The following ADCY9 variants were observed in gnomAD, a reference collection of about 807,000 sequenced individuals.
ADCY9 encodes the protein adenylate cyclase type 9.
Under a neutral mutation model 101.5 loss-of-function variants are expected in ADCY9, and 50 were observed. The ratio of observed to expected loss-of-function variants is 0.49; its 90% CI spans 0.39 to 0.62. The LOEUF (loss-of-function observed/expected upper bound fraction) is 0.62. Ranked by LOEUF, ADCY9 falls within the 20% of genes least tolerant of loss-of-function variation. ADCY9 has a pLI of 0.00. For missense variants in ADCY9, 1,662 were observed against 1,800.4 expected (o/e 0.92, Z 1.39); for synonymous variants, 905 against 769.3 (o/e 1.18, Z -2.92).
intron 2 of ADCY9, among the ~76,000 whole-genome samples, chr16:4,029,639 G>C (rs114776436): frequency 0.01 from 1,536 of 152,256 alleles, 29 homozygotes; most frequent in African/African-American, 0.035. Flanking sequence ...CCCAGCTACT[G>C]GGGAGACTGA....
At chr16:4,068,135 T>C (rs987737093) in intron 2 of ADCY9, among the ~76,000 whole-genome samples, 3 of 152,158 alleles carry the variant, frequency 2.0e-5, no homozygotes, top group African/African-American at 4.8e-5. Context: ...GATATTCTCA[T>C]ACCCAGACAA....
At chr16:3,953,592 T>G (rs1412394328) in intron 5 of ADCY9, 1 of 151,980 alleles carries the variant, frequency 6.6e-6, no homozygotes, top group Non-Finnish European at 1.5e-5. Context: ...CCGAGCAATT[T>G]CTAGAAAACA....
At position 4,007,429 on chromosome 16, in the gene ADCY9, G is replaced by A. The variant is rs745823164; in HGVS notation, c.1823C>T (p.Thr608Ile). Residue 608 changes from threonine to isoleucine, a missense_variant, in exon 3 of 11, where the codon ACA (threonine) becomes ATA (isoleucine). This residue lies in a region of ADCY9 where 624 missense variants were observed against 639.1 expected (regional missense o/e 0.98). Coordinates refer to ENST00000294016, the MANE Select transcript of ADCY9 (RefSeq NM_001116.4). ...QVSSGPRGQG[T>I]ASSGNVSDLA... ...GTCACTGACATTCCCTGATGACGCT[G>A]TCCCCTGTCCCCTAGGGCCTGAGGA... 1.4e-5 allele frequency: 22 copies of A among 1,612,588 alleles called. No individual in the cohort carries two copies. The highest frequency in any genetic ancestry group is 2.7e-5 in the African/African-American group (2 of 74,766).
intron 7 of ADCY9, among the ~76,000 whole-genome samples, chr16:3,980,439 C>T (rs1405850331): frequency 6.6e-6 from 1 of 152,172 alleles, no homozygotes; most frequent in African/African-American, 2.4e-5. Context: ...GGAGACAGTC[C>T]TTCTCTCAAG....
rs1219543773 is a variant in ADCY9 at position 4,115,467 on chromosome 16, C to T, written c.-25G>A. 1.3e-6 allele frequency: 2 copies of T among 1,505,332 alleles called. No individual in the cohort carries two copies. The highest frequency in any genetic ancestry group is 2.2e-5 in the Admixed American group (1 of 46,392). 93.2% of individuals were successfully genotyped at this position (1,505,332 alleles called of 1,614,324 possible). On this transcript the variant is annotated 5_prime_UTR_variant, in exon 2 of 11. Coordinates refer to ENST00000294016, the MANE Select transcript of ADCY9 (RefSeq NM_001116.4). The surrounding 1 kb of genome is among the most constrained non-coding windows in gnomAD (Gnocchi z 6.2). ...TGTTGTCGAGTCCCGGGGCCTGCCC[C>T]GGCCGGGGTCACCAGTACCTGCCAG...
intron 2 of ADCY9, among the ~76,000 whole-genome samples, chr16:4,030,076 T>A (rs534317868): frequency 6.6e-6 from 1 of 152,284 alleles, no homozygotes; most frequent in African/African-American, 2.4e-5. Flanking sequence ...CCATTTGTTA[T>A]CACCATTTGT....
intron 3 of ADCY9, among the ~76,000 whole-genome samples, chr16:3,998,147 C>A (rs1447304800): frequency 6.6e-6 from 1 of 151,932 alleles, no homozygotes; most frequent in Non-Finnish European, 1.5e-5. Context: ...ACAAATGAAA[C>A]AAAAGAAATC....
At position 4,095,037 on chromosome 16, in the gene ADCY9, C is replaced by A. The variant is rs142915519; in HGVS notation, c.1693+18713G>T. 7.6e-3 allele frequency among the ~76,000 whole-genome samples: 1,058 copies of A among 139,836 alleles called. 14 individuals are homozygous for A. The highest frequency in any genetic ancestry group is 0.027 in the African/African-American group (1,021 of 37,172). The allele number at this position is 139,836 out of a possible 152,430, so 91.7% of individuals were successfully genotyped here. A position where few individuals can be genotyped will look rare whatever the true frequency, so the allele number is the denominator to read the frequency against. ...TTTTTTTTTTTTTTTGAGACAGTCT[C>A]TGTCACCTAGGCTGGAGTGCAATGG... On this transcript the variant is annotated intron_variant, in intron 2 of 10. Transcript: ENST00000294016.
chr16:4,082,122 T>C (rs921903624), intron 2 of ADCY9, among the ~76,000 whole-genome samples: 35 of 152,122 alleles, frequency 2.3e-4, no homozygotes, highest in Non-Finnish European at 3.5e-4. Context: ...ACACCTGTAA[T>C]CCCAGCACTT....
chr16:3,989,666 G>T (rs959077410), intron 5 of ADCY9, among the ~76,000 whole-genome samples: 7 of 152,146 alleles, frequency 4.6e-5, no homozygotes, highest in African/African-American at 1.7e-4. Context: ...AGCGTGAGCT[G>T]CTGAGGCTTG....
rs1479664217 is a variant in ADCY9 at position 3,983,282 on chromosome 16, G to T, written c.2469C>A (p.Val823=). ...TVPPPPAALA[V]FSAALLLEVL... ...CCTCCAGCAGCAGGGCTGCACTGAA[G>T]ACCGCCAGGGCGGCGGGCGGGGGAG... Residue 823 remains valine, a synonymous_variant, in exon 7 of 11, where the codon GTC becomes GTA. Transcript: ENST00000294016. 2.6e-6 allele frequency: 4 copies of T among 1,556,516 alleles called. No homozygotes were observed. The Admixed American group carries it at 7.8e-5, about 30-fold the overall frequency.
At chr16:4,026,608 T>A (rs2056517147) in intron 2 of ADCY9, among the ~76,000 whole-genome samples, 1 of 152,150 alleles carries the variant, frequency 6.6e-6, no homozygotes, top group African/African-American at 2.4e-5. Flanking sequence ...CTTCCCAGGA[T>A]GAATGGATAA....
intron 2 of ADCY9, among the ~76,000 whole-genome samples, chr16:4,078,574 AG>A (rs71390994): frequency 0.31 from 44,015 of 141,080 alleles, 7,755 homozygotes; most frequent in East Asian, 0.49. Context: ...AAAAAAAAAA[AG>A]AAAACAAAAA....
intron 3 of ADCY9, among the ~76,000 whole-genome samples, chr16:3,998,100 C>A (rs974041451): frequency 6.6e-6 from 1 of 151,764 alleles, no homozygotes; most frequent in African/African-American, 2.4e-5. Flanking sequence ...CAGCTACCTT[C>A]CTTTTGAGGG....
chr16:3,999,062 G>A (rs1448120455), intron 3 of ADCY9, among the ~76,000 whole-genome samples: 7 of 152,080 alleles, frequency 4.6e-5, no homozygotes, highest in Non-Finnish European at 1.0e-4. Flanking sequence ...ATGTTTCCCA[G>A]CCGGCTAAAC....
chr16:4,044,507 T>C (rs976892241), intron 2 of ADCY9, among the ~76,000 whole-genome samples: 3 of 152,184 alleles, frequency 2.0e-5, no homozygotes, highest in African/African-American at 7.2e-5. Context: ...TAGTAAAACT[T>C]ACATTTTGGA....
In ADCY9 at chr16:4,010,258, G is replaced by A. The variant is rs143006884; in HGVS notation, c.1694-2700C>T. On this transcript the variant is annotated intron_variant, in intron 2 of 10. Transcript: ENST00000294016. ...GCGCACCTGCTCCCTGTGTGGCTCC[G>A]GGACTGCAAGAGAAAGTCAAGATGG... Among the ~76,000 whole-genome samples, 116 of 152,252 alleles carry A rather than the reference G, an allele frequency of 7.6e-4. No homozygotes were observed. The East Asian group carries it at 0.01, about 13-fold the overall frequency.
At position 3,966,447 on chromosome 16, in the gene ADCY9, G is replaced by A. The variant is rs1398271976; in HGVS notation, c.3390C>T (p.His1130=). The change falls in exon 11 of 11, where the codon CAC becomes CAT. Residue 1130 remains histidine (H), a synonymous_variant. Transcript: ENST00000294016. ...ACAGGATCTGCAGGTGCTCCTGCGG[G>A]TGGCTGCCGTCCTGGGCCTGCGCGG... ...LNTAQAQDGS[H]PQEHLQILFE... 4.3e-6 allele frequency: 7 copies of A among 1,614,116 alleles called. No individual in the cohort carries two copies. The Admixed American group carries it at 1.2e-4, about 27-fold the overall frequency.
chr16:4,009,800 C>T (rs1011356673), intron 2 of ADCY9, among the ~76,000 whole-genome samples: 34 of 152,180 alleles, frequency 2.2e-4, no homozygotes, highest in Admixed American at 2.2e-3. Context: ...AAAAATGCAA[C>T]CTATGTGGAC....
Sources: allele counts gnomAD v4.1 joint callset (sites outside exome capture counted in the v4.1 genomes callset), GRCh38; gene constraint gnomAD v4.1.1; regional missense constraint gnomAD v4.1.1; non-coding constraint Gnocchi (gnomAD v3.1); transcripts MANE v1.5; gene names NCBI Gene and HGNC (gene_info 2026-07-23, HGNC 2026-07-21).